ASIC2: variants seen among roughly 807,000 people sequenced by gnomAD.
ASIC2 encodes acid-sensing ion channel 2.
A neutral mutation model predicts 57.3 loss-of-function variants in ASIC2; 25 were observed. The observed-to-expected ratio is 0.44, with a 90% CI of 0.32 to 0.61. ASIC2 has a LOEUF of 0.61. Ranked by LOEUF, ASIC2 falls within the 20% of genes least tolerant of loss-of-function variation. The pLI is 0.06. For synonymous variants in ASIC2, 319 were observed against 307.5 expected, an observed-to-expected ratio of 1.04 and a Z score of -0.39; for missense variants, 641 against 738.1, an observed-to-expected ratio of 0.87 and a Z score of 1.52.
At chr17:34,030,562 C>A (rs1907563436) in intron 1 of ASIC2, among the ~76,000 whole-genome samples, 1 of 152,198 alleles carries the variant, frequency 6.6e-6, no homozygotes, top group African/African-American at 2.4e-5. Flanking sequence ...CGAGGCATCG[C>A]CTCACCTGGG....
At chr17:33,071,917 G>T (rs1299238027) in intron 3 of ASIC2, among the ~76,000 whole-genome samples, 1 of 152,196 alleles carries the variant, frequency 6.6e-6, no homozygotes, top group African/African-American at 2.4e-5. Context: ...TGTGAGTGCT[G>T]CCAGGCACTG....
intron 1 of ASIC2, among the ~76,000 whole-genome samples, chr17:33,734,514 A>G (rs1225385327): frequency 1.3e-5 from 2 of 152,158 alleles, no homozygotes; most frequent in African/African-American, 2.4e-5. Flanking sequence ...AGAAGCTGTC[A>G]ATCTCATCTC....
chr17:34,097,430 C>G (rs937049291), intron 1 of ASIC2, among the ~76,000 whole-genome samples: 1 of 151,958 alleles, frequency 6.6e-6, no homozygotes, highest in African/African-American at 2.4e-5. Flanking sequence ...ATAGAGTCCC[C>G]CAAAACAGAC....
intron 1 of ASIC2, among the ~76,000 whole-genome samples, chr17:33,482,032 A>C (rs1913424906): frequency 6.6e-6 from 1 of 152,044 alleles, no homozygotes; most frequent in South Asian, 2.1e-4. Flanking sequence ...CCATGACCAC[A>C]TTCCCTCAGC....
At chr17:33,131,321 C>G (rs957549937) in intron 1 of ASIC2, among the ~76,000 whole-genome samples, 1 of 152,152 alleles carries the variant, frequency 6.6e-6, no homozygotes, top group Non-Finnish European at 1.5e-5. Context: ...GAATCCCAAG[C>G]AATTTTTAGG....
intron 1 of ASIC2, among the ~76,000 whole-genome samples, chr17:33,837,636 T>G (rs1434018198): frequency 6.6e-6 from 1 of 152,216 alleles, no homozygotes; most frequent in Non-Finnish European, 1.5e-5. Flanking sequence ...ATCTGGAGTG[T>G]GGGCATAGTA....
intron 1 of ASIC2, among the ~76,000 whole-genome samples, chr17:33,353,291 T>C (rs1908253646): frequency 6.6e-6 from 1 of 152,172 alleles, no homozygotes; most frequent in Non-Finnish European, 1.5e-5. Context: ...TGGGAACTTT[T>C]GACCCTCGAC....
rs191574361 is a variant in ASIC2, at chr17:33,697,775, G to A, written c.555+458203C>T. Among the ~76,000 whole-genome samples, 354 of 152,268 alleles carry A rather than the reference G, an allele frequency of 2.3e-3. 3 individuals are homozygous for A. The highest frequency in any genetic ancestry group is 7.6e-3 in the African/African-American group (316 of 41,556). ...ACACACCACATCAAGAAGATGAGTG[G>A]CACCAACTATATGTATATAGTGATA... On this transcript the variant is annotated intron_variant, in intron 1 of 9. Coordinates refer to the ASIC2 transcript ENST00000359872.
chr17:34,112,890 G>A (rs1175010103), intron 1 of ASIC2, among the ~76,000 whole-genome samples: 1 of 152,158 alleles, frequency 6.6e-6, no homozygotes, highest in Non-Finnish European at 1.5e-5. Flanking sequence ...TCTTATGGCT[G>A]AGCAGCTGTA....
At chr17:33,491,421 T>C (rs1913754827) in intron 1 of ASIC2, among the ~76,000 whole-genome samples, 1 of 152,252 alleles carries the variant, frequency 6.6e-6, no homozygotes, top group Non-Finnish European at 1.5e-5. Context: ...CTACAGTTTC[T>C]GGCTCCTCGA....
intron 1 of ASIC2, among the ~76,000 whole-genome samples, chr17:33,739,597 G>A (rs1021983580): frequency 3.3e-5 from 5 of 152,198 alleles, no homozygotes; most frequent in African/African-American, 4.8e-5. Context: ...TTCAGCACAG[G>A]TGTCTGAATA....
intron 1 of ASIC2, among the ~76,000 whole-genome samples, chr17:33,347,581 T>G (rs1337131507): frequency 6.6e-6 from 1 of 152,068 alleles, no homozygotes; most frequent in Non-Finnish European, 1.5e-5. Context: ...CAAAGAAAGA[T>G]TCTAAGAAGG....
At chr17:33,966,386 A>C (rs1905075305) in intron 1 of ASIC2, among the ~76,000 whole-genome samples, 1 of 152,218 alleles carries the variant, frequency 6.6e-6, no homozygotes, top group East Asian at 1.9e-4. Flanking sequence ...CAAAAATGGA[A>C]ATATCACTAT....
chr17:33,874,275 A>G lies in ASIC2; in HGVS notation c.555+281703T>C, dbSNP rs372942109. Reference sequence around the variant, plus strand: ...CTGACCATACGAGCAGAAGGGATGAAAGGACTTTAGACCTCTGCTTCAACT... The same window carrying G: ...CTGACCATACGAGCAGAAGGGATGAGAGGACTTTAGACCTCTGCTTCAACT... On this transcript the variant is annotated intron_variant, in intron 1 of 9. Coordinates refer to the ASIC2 transcript ENST00000359872. 3.6e-4 allele frequency among the ~76,000 whole-genome samples: 55 copies of G among 152,310 alleles called. No individual in the cohort carries two copies. In the East Asian group the frequency reaches 3.9e-3, roughly 11 times the overall value.
intron 3 of ASIC2, among the ~76,000 whole-genome samples, chr17:33,069,909 CTT>C (rs2092060693): frequency 6.6e-6 from 1 of 151,990 alleles, no homozygotes; most frequent in Non-Finnish European, 1.5e-5. Flanking sequence ...ATTTTTTTCT[CTT>C]TTCTCCCTTC....
chr17:33,985,701 G>T (rs932448768), intron 1 of ASIC2, among the ~76,000 whole-genome samples: 1 of 152,154 alleles, frequency 6.6e-6, no homozygotes, highest in Non-Finnish European at 1.5e-5. Flanking sequence ...GGAGGACCTG[G>T]GTTAAGTTAA....
At chr17:33,127,555 C>A (rs573148459) in intron 1 of ASIC2, among the ~76,000 whole-genome samples, 7 of 152,106 alleles carry the variant, frequency 4.6e-5, no homozygotes, top group African/African-American at 1.7e-4. Context: ...TTTGCTCTAC[C>A]CCCAAATTCA....
At chr17:33,733,954 A>G (rs1191868450) in intron 1 of ASIC2, among the ~76,000 whole-genome samples, 1 of 152,210 alleles carries the variant, frequency 6.6e-6, no homozygotes, top group African/African-American at 2.4e-5. Context: ...GCACTGCTGA[A>G]CAACACTGGT....
At chr17:33,589,955 A>C (rs1156850947) in intron 1 of ASIC2, among the ~76,000 whole-genome samples, 1 of 152,190 alleles carries the variant, frequency 6.6e-6, no homozygotes, top group Non-Finnish European at 1.5e-5. Context: ...AGAGGAAGCA[A>C]ACACACAGTA....
Sources: allele counts gnomAD v4.1 joint callset (sites outside exome capture counted in the v4.1 genomes callset), GRCh38; gene constraint gnomAD v4.1.1; transcripts MANE v1.5; gene names NCBI Gene and HGNC (gene_info 2026-07-23, HGNC 2026-07-21).